Variants in CCDC57 observed in about 807,000 individuals in gnomAD.
CCDC57 encodes coiled-coil domain-containing protein 57.
In CCDC57, 118 loss-of-function variants were observed where a neutral mutation model predicts 118.9. The observed-to-expected ratio is 0.99, with a 90% CI of 0.86 to 1.16. CCDC57 has a LOEUF of 1.16. CCDC57 is among the 50% of genes most tolerant of loss of function. CCDC57 has a pLI of 0.00. For missense variants in CCDC57, 1,300 were observed against 1,320.7 expected (o/e 0.98, Z 0.24); for synonymous variants, 527 against 532.9 (o/e 0.99, Z 0.15).
Position 82,178,644 on chromosome 17 carries a change from C to T in CCDC57, c.1375-39G>A, listed in dbSNP as rs372461145. ...TGGGACTCAGTCCCTGTGTGGATGA[C>T]CGGGCAGCTCCCATGCCTGCTGAGG... On this transcript the variant is annotated intron_variant, in intron 10 of 19. Transcript: ENST00000665763. 1.8e-3 allele frequency: 2,918 copies of T among 1,599,804 alleles called. 15 individuals carry two copies. Among genetic ancestry groups the T allele is most frequent in the Middle Eastern group, 0.012 (73 of 6,032 alleles).
At chr17:82,171,708 C>T (rs1175172016) in exon 13 of CCDC57, 1 of 1,611,340 alleles carries the variant, frequency 6.2e-7, no homozygotes. Flanking sequence ...TACCAGTCGT[C>T]TCTGTCGAGG....
Position 82,172,140 on chromosome 17 carries a change from C to G in CCDC57, c.1730-287G>C, listed in dbSNP as rs1331170754. Among the ~76,000 whole-genome samples, 1 of 152,244 alleles carries G rather than the reference C, an allele frequency of 6.6e-6. No individual in the cohort carries two copies. Among genetic ancestry groups the G allele is most frequent in the East Asian group, 1.9e-4 (1 of 5,194 alleles). On this transcript the variant is annotated intron_variant, in intron 12 of 19. Coordinates refer to ENST00000665763, the Ensembl canonical transcript of CCDC57. The surrounding 1 kb of genome is among the most constrained non-coding windows in gnomAD (Gnocchi z 5.2). ...CAGGAGCAAATGCTCCACCTGCCGC[C>G]AGCCCACGTGCCTCTGTGCAGAGGG...
chr17:82,187,707 G>A (rs1358423427), intron 8 of CCDC57, among the ~76,000 whole-genome samples: 2 of 90,428 alleles, frequency 2.2e-5, no homozygotes, highest in Non-Finnish European at 4.6e-5. Flanking sequence ...GGCGGGGGTC[G>A]GGGGGAGCCG....
intron 16 of CCDC57, among the ~76,000 whole-genome samples, chr17:82,137,554 GGGTAGCTAAATATTATTTCTCA>G (rs1335353466): frequency 1.3e-4 from 20 of 152,170 alleles, no homozygotes; most frequent in Middle Eastern, 6.8e-3. Flanking sequence ...ACTTTCACGT[GGGTAGCTAAATATTATTTCTCA>G]GGTACCCATG....
At chr17:82,164,317 G>A (rs1442134372) in intron 13 of CCDC57, among the ~76,000 whole-genome samples, 2 of 152,084 alleles carry the variant, frequency 1.3e-5, no homozygotes, top group African/African-American at 2.4e-5. Context: ...GGAGGCGGAG[G>A]TGGCAGTGAG....
intron 14 of CCDC57, 52 bp from the exon 14 acceptor site, chr17:82,158,000 A>C: frequency 6.6e-7 from 1 of 1,524,170 alleles, no homozygotes; most frequent in Non-Finnish European, 8.8e-7. Context: ...GCTGGGCTGG[A>C]GCAGGCCCCT....
chr17:82,127,178 G>A (rs1022602479), intron 19 of CCDC57: 18 of 985,326 alleles, frequency 1.8e-5, no homozygotes, highest in Admixed American at 6.1e-5. Context: ...CAACGTCCGC[G>A]CAGCAAAGCA....
exon 13 of CCDC57, chr17:82,171,752 A>G (rs1333390512): frequency 1.2e-6 from 2 of 1,613,934 alleles, no homozygotes; most frequent in Non-Finnish European, 1.7e-6. Context: ...GCATGAGGTG[A>G]GGACATCTTT....
intron 14 of CCDC57, 47 bp from the exon 14 acceptor site, chr17:82,157,995 G>T: frequency 6.5e-7 from 1 of 1,527,958 alleles, no homozygotes. Flanking sequence ...CAGTGGCTGG[G>T]CTGGAGCAGG....
chr17:82,157,618 C>A (rs1469948451), intron 15 of CCDC57, 130 bp downstream of exon 14: 23 of 1,447,232 alleles, frequency 1.6e-5, no homozygotes, highest in African/African-American at 2.8e-5. Flanking sequence ...CCAGGCACGG[C>A]CTTCACTGCA....
intron 14 of CCDC57, 62 bp from the exon 14 acceptor site, chr17:82,158,010 T>A: frequency 6.6e-7 from 1 of 1,509,726 alleles, no homozygotes. Context: ...AGCAGGCCCC[T>A]GGGCACTGAC....
intron 7 of CCDC57, among the ~76,000 whole-genome samples, chr17:82,189,901 T>C (rs1331651413): frequency 6.6e-6 from 1 of 152,106 alleles, no homozygotes; most frequent in African/African-American, 2.4e-5. Context: ...TCCCAGCTAC[T>C]GGGGAGGCCG....
rs902992037 is a variant in CCDC57 at position 82,192,553 on chromosome 17, G to T, written c.851+1203C>A. Among the ~76,000 whole-genome samples, 2 of 152,224 alleles carry T rather than the reference G, an allele frequency of 1.3e-5. No homozygotes were observed. Among genetic ancestry groups the T allele is most frequent in the Admixed American group, 6.5e-5 (1 of 15,288 alleles). On this transcript the variant is annotated intron_variant, in intron 7 of 19. Coordinates refer to ENST00000665763, the Ensembl canonical transcript of CCDC57. This position sits in a 1 kb window ranked among gnomAD's most constrained non-coding sequence, Gnocchi z 4.0. The stretch of plus-strand genomic sequence containing the variant: ...AAACACACGAAGAGAAACAGTGTTT[G>T]TCCAGCTTCATCATGGCCACACGGT...
At chr17:82,144,261 G>A (rs1472665193) in intron 16 of CCDC57, among the ~76,000 whole-genome samples, 1 of 151,990 alleles carries the variant, frequency 6.6e-6, no homozygotes, top group Non-Finnish European at 1.5e-5. Context: ...AGTGAGCTAC[G>A]ATGGCACCAC....
At chr17:82,165,716 A>G (rs2043909838) in intron 13 of CCDC57, among the ~76,000 whole-genome samples, 3 of 152,220 alleles carry the variant, frequency 2.0e-5, no homozygotes, top group Admixed American at 2.0e-4. Context: ...AAAACCAGCC[A>G]GAATCCACAG....
At chr17:82,186,146 G>A (rs866036937) in intron 8 of CCDC57, among the ~76,000 whole-genome samples, 4 of 151,968 alleles carry the variant, frequency 2.6e-5, no homozygotes, top group African/African-American at 4.8e-5. Context: ...GCTCATACTT[G>A]GGATCATGGG....
At chr17:82,171,929 A>G in intron 12 of CCDC57, 76 bp from the exon 12 acceptor site, 3 of 1,522,906 alleles carry the variant, frequency 2.0e-6, no homozygotes, top group Non-Finnish European at 1.8e-6. Flanking sequence ...GCACCAGCTC[A>G]GGGAGCCGAT....
At chr17:82,157,929 T>C in exon 15 of CCDC57, 4 of 1,556,778 alleles carry the variant, frequency 2.6e-6, no homozygotes, top group Non-Finnish European at 3.5e-6. Flanking sequence ...AGCGGCCGGC[T>C]CCAGGGGTTC....
In CCDC57 at chr17:82,118,726, A is replaced by G. The variant is rs1055146306; in HGVS notation, c.2899+8966T>C. Among the ~76,000 whole-genome samples the G allele has an allele frequency of 5.3e-5, 8 of 152,152 alleles. No individual in the cohort carries two copies. The highest frequency in any genetic ancestry group is 2.1e-4 in the South Asian group (1 of 4,830). On this transcript the variant is annotated intron_variant, in intron 19 of 19. Transcript: ENST00000665763. This position sits in a 1 kb window ranked among gnomAD's most constrained non-coding sequence, Gnocchi z 4.7. ...CTTCCGTCCGCACTGGGTGCCACTCAGTCTGCCGCGCTTTTTATGTACGCT... is the reference window on the plus strand; with the variant it reads ...CTTCCGTCCGCACTGGGTGCCACTCGGTCTGCCGCGCTTTTTATGTACGCT...
Sources: gnomAD v4.1 joint callset for allele counts (sites outside exome capture counted in the v4.1 genomes callset) on GRCh38, gnomAD v4.1.1 for gene constraint, Gnocchi (gnomAD v3.1) non-coding constraint, MANE v1.5 for transcripts, NCBI Gene and HGNC (gene_info 2026-07-23, HGNC 2026-07-21) for gene names.